PHACTR4: variants seen among roughly 807,000 people sequenced by gnomAD.
The protein encoded by PHACTR4 is phosphatase and actin regulator 4.
A neutral mutation model predicts 72.7 loss-of-function variants in PHACTR4; 51 were observed. The observed-to-expected ratio is 0.70, with a 90% CI of 0.56 to 0.89. PHACTR4 has a LOEUF of 0.89. Among genes scored for constraint, PHACTR4 ranks in the 40% least tolerant of loss-of-function variants. The pLI, the probability that PHACTR4 is intolerant of heterozygous loss-of-function variation, is 0.00. For missense variants in PHACTR4, 731 were observed against 861.8 expected, an observed-to-expected ratio of 0.85 and a Z score of 1.90; for synonymous variants, 255 against 302.5, an observed-to-expected ratio of 0.84 and a Z score of 1.63.
chr1:28,437,673 T>A lies in PHACTR4; in HGVS notation c.17-21412T>A, dbSNP rs562011696. Among the ~76,000 whole-genome samples, 11 of 152,344 alleles carry A rather than the reference T, an allele frequency of 7.2e-5. No individual in the cohort carries two copies. The East Asian group carries it at 2.1e-3, about 29-fold the overall frequency. Reference sequence around the variant, plus strand: ...CTCACATGATGGAAAAAGAGAACTCTCTGGGTCTTTTTTGATAAAGTACTA... The same window carrying A: ...CTCACATGATGGAAAAAGAGAACTCACTGGGTCTTTTTTGATAAAGTACTA... On this transcript the variant is annotated intron_variant, in intron 2 of 13. Transcript: ENST00000373839.
chr1:28,415,307 A>G (rs1272950237), intron 2 of PHACTR4, among the ~76,000 whole-genome samples: 1 of 151,988 alleles, frequency 6.6e-6, no homozygotes, highest in Admixed American at 6.6e-5. Context: ...ATTCATGGCT[A>G]CACTGTACAT....
chr1:28,480,172 A>G (rs1404481698), intron 8 of PHACTR4, among the ~76,000 whole-genome samples: 3 of 152,212 alleles, frequency 2.0e-5, no homozygotes, highest in African/African-American at 7.2e-5. Context: ...CCATGCTTAG[A>G]TTCTCTCTCC....
chr1:28,494,920 G>C (rs1230617598), intron 13 of PHACTR4, among the ~76,000 whole-genome samples: 1 of 152,114 alleles, frequency 6.6e-6, no homozygotes, highest in Non-Finnish European at 1.5e-5. Flanking sequence ...AGGATGAAGA[G>C]ACTAGCAGCA....
chr1:28,382,874 A>G (rs1035581315), intron 1 of PHACTR4, among the ~76,000 whole-genome samples: 1 of 151,830 alleles, frequency 6.6e-6, no homozygotes, highest in African/African-American at 2.4e-5. Flanking sequence ...GCTCACTGCA[A>G]CCTCTGCCTC....
Position 28,460,252 on chromosome 1 carries a change from G to C in PHACTR4, c.231G>C (p.Glu77Asp). ...RKISMRKPRE[E>D]LVKRGVLLED... ...TATCTATGCGAAAGCCAAGAGAAGA[G>C]CTGGTTAAAAGAGGGGTTCTGTTGG... is the stretch of plus-strand genomic sequence containing the variant. The change falls in exon 4 of 14, where the codon GAG becomes GAC. Residue 77 changes from glutamate to aspartate, a missense_variant. This residue lies in a region of PHACTR4 where 621 missense variants were observed against 676.6 expected (regional missense o/e 0.92). Coordinates refer to ENST00000373839, the MANE Select transcript of PHACTR4 (RefSeq NM_001048183.3). 4 of 1,613,884 alleles carry C rather than the reference G, an allele frequency of 2.5e-6. No individual in the cohort carries two copies. The highest frequency in any genetic ancestry group is 3.4e-6 in the Non-Finnish European group (4 of 1,179,864).
intron 2 of PHACTR4, among the ~76,000 whole-genome samples, 184 bp from the exon 3 acceptor site, chr1:28,458,897 AGTTT>A (rs1255938041): frequency 1.3e-5 from 2 of 152,076 alleles, no homozygotes; most frequent in Non-Finnish European, 1.5e-5. Context: ...TCTCCTTAGT[AGTTT>A]ATCTGTTAAT....
chr1:28,491,078 T>G, intron 11 of PHACTR4, 66 bp downstream of exon 11: 1 of 1,502,212 alleles, frequency 6.7e-7, no homozygotes, highest in Non-Finnish European at 9.2e-7. Context: ...TGATTGGAAA[T>G]GAATTCACAG....
intron 2 of PHACTR4, among the ~76,000 whole-genome samples, chr1:28,418,422 A>G (rs1463080014): frequency 6.6e-6 from 1 of 151,976 alleles, no homozygotes; most frequent in Non-Finnish European, 1.5e-5. Context: ...CAGAGGTTGC[A>G]GTGACTCAAG....
intron 8 of PHACTR4, 59 bp downstream of exon 8, chr1:28,476,350 G>T (rs1659918622): frequency 1.4e-6 from 2 of 1,462,270 alleles, no homozygotes; most frequent in South Asian, 1.4e-5. Flanking sequence ...ACTATTTGCT[G>T]ATCTTAGCAA....
intron 1 of PHACTR4, 57 bp from the exon 2 acceptor site, chr1:28,407,353 A>G: frequency 1.1e-6 from 1 of 911,080 alleles, no homozygotes; most frequent in Non-Finnish European, 1.7e-6. Flanking sequence ...TTTTAAAAGC[A>G]TAAAAGGTGA....
At chr1:28,464,141 T>C (rs1030717494) in intron 4 of PHACTR4, among the ~76,000 whole-genome samples, 3 of 151,662 alleles carry the variant, frequency 2.0e-5, no homozygotes, top group African/African-American at 7.3e-5. Flanking sequence ...AATTTTTGTA[T>C]TGTTAGTAAA....
intron 1 of PHACTR4, among the ~76,000 whole-genome samples, chr1:28,390,154 C>G (rs541149680): frequency 1.3e-5 from 2 of 152,240 alleles, no homozygotes; most frequent in East Asian, 3.9e-4. Flanking sequence ...TTTGTTGTTA[C>G]AGACAGGGTT....
intron 2 of PHACTR4, among the ~76,000 whole-genome samples, chr1:28,436,163 C>T (rs191044123): frequency 4.6e-5 from 7 of 152,188 alleles, no homozygotes; most frequent in African/African-American, 9.6e-5. Flanking sequence ...AAGCTAAGTA[C>T]AGGAAAGTTC....
chr1:28,487,730 T>TG (rs1311924618), intron 9 of PHACTR4, among the ~76,000 whole-genome samples: 8 of 66,240 alleles, frequency 1.2e-4, no homozygotes, highest in African/African-American at 4.9e-4. Flanking sequence ...TTTTGTTGTT[T>TG]TTTTTTTTTT....
intron 2 of PHACTR4, among the ~76,000 whole-genome samples, chr1:28,423,672 G>C (rs924650054): frequency 1.3e-5 from 2 of 152,166 alleles, no homozygotes; most frequent in Middle Eastern, 3.4e-3. Context: ...TCCTAACTTT[G>C]CCAGTTTGCC....
At chr1:28,475,137 G>A (rs1392064867) in intron 7 of PHACTR4, among the ~76,000 whole-genome samples, 1 of 151,796 alleles carries the variant, frequency 6.6e-6, no homozygotes, top group Admixed American at 6.6e-5. Flanking sequence ...TTTTGTTAGA[G>A]ATGGGATTTT....
At chr1:28,404,392 C>T (rs1028349781) in intron 1 of PHACTR4, among the ~76,000 whole-genome samples, 4 of 149,856 alleles carry the variant, frequency 2.7e-5, no homozygotes, top group Non-Finnish European at 5.9e-5. Flanking sequence ...AAGCGATTCT[C>T]CTGCCTCAGC....
chr1:28,382,047 C>T (rs1417716244), intron 1 of PHACTR4, among the ~76,000 whole-genome samples: 7 of 152,184 alleles, frequency 4.6e-5, no homozygotes, highest in African/African-American at 1.7e-4. Context: ...GGATTACAGG[C>T]GTGAGCCACT....
intron 1 of PHACTR4, among the ~76,000 whole-genome samples, chr1:28,373,207 C>T (rs766047827): frequency 3.9e-5 from 6 of 152,162 alleles, no homozygotes; most frequent in Non-Finnish European, 7.4e-5. Flanking sequence ...AGTCCTCCTA[C>T]CTTAGCCTCC....
Sources: allele counts gnomAD v4.1 joint callset (sites outside exome capture counted in the v4.1 genomes callset), GRCh38; gene constraint gnomAD v4.1.1; regional missense constraint gnomAD v4.1.1; transcripts MANE v1.5; gene names NCBI Gene and HGNC (gene_info 2026-07-23, HGNC 2026-07-21).